Variants in L3MBTL4 observed in about 807,000 individuals in gnomAD.
L3MBTL4 encodes lethal(3)malignant brain tumor-like protein 4.
In L3MBTL4, 70 loss-of-function variants were observed where a neutral mutation model predicts 84.5. That is an observed-to-expected ratio of 0.83 (90% confidence interval 0.68 to 1.01). L3MBTL4 has a LOEUF of 1.01. Ranked by LOEUF, L3MBTL4 falls within the 50% of genes least tolerant of loss-of-function variation. The pLI, the probability that L3MBTL4 is intolerant of heterozygous loss-of-function variation, is 0.00. For missense variants in L3MBTL4, 715 were observed against 754.8 expected, an observed-to-expected ratio of 0.95 and a Z score of 0.62; for synonymous variants, 274 against 259.8, an observed-to-expected ratio of 1.05 and a Z score of -0.52.
At chr18:6,183,005 T>C (rs2044549010) in intron 12 of L3MBTL4, among the ~76,000 whole-genome samples, 1 of 152,248 alleles carries the variant, frequency 6.6e-6, no homozygotes, top group African/African-American at 2.4e-5. Context: ...CCATTTGTGA[T>C]AAATATATCT....
intron 16 of L3MBTL4, chr18:6,032,140 G>T: frequency 3.7e-6 from 1 of 272,050 alleles, no homozygotes. Context: ...ACCACGCCTG[G>T]CTAATTTTTT....
At chr18:5,964,880 C>T (rs959002965) in intron 17 of L3MBTL4, among the ~76,000 whole-genome samples, 1 of 152,180 alleles carries the variant, frequency 6.6e-6, no homozygotes, top group Non-Finnish European at 1.5e-5. Flanking sequence ...TTCATGAACT[C>T]ATCTACTCAC....
chr18:6,318,897 A>T lies in L3MBTL4; in HGVS notation c.-90-6841T>A, dbSNP rs775355121. On this transcript the variant is annotated intron_variant, in intron 1 of 18. Transcript: ENST00000317931. ...ATAACAGGCCACAAAACAAGTCTTG[A>T]TACATTTTAACATATCAAAATCATA... 8.5e-5 allele frequency among the ~76,000 whole-genome samples: 13 copies of T among 152,250 alleles called. No homozygotes were observed. In the East Asian group the frequency reaches 1.7e-3, roughly 20 times the overall value.
intron 13 of L3MBTL4, among the ~76,000 whole-genome samples, chr18:6,159,281 G>C (rs664356): frequency 0.1 from 15,475 of 152,156 alleles, 879 homozygotes; most frequent in Middle Eastern, 0.17. Context: ...GGGATAACCA[G>C]AGGGCAACAC....
At chr18:6,094,288 C>A (rs1390594607) in intron 14 of L3MBTL4, among the ~76,000 whole-genome samples, 2 of 152,172 alleles carry the variant, frequency 1.3e-5, no homozygotes, top group African/African-American at 2.4e-5. Context: ...TCTGCCGCTG[C>A]TAGAAATGAG....
chr18:6,004,926 T>A (rs940463755), intron 16 of L3MBTL4, among the ~76,000 whole-genome samples: 6 of 150,336 alleles, frequency 4.0e-5, no homozygotes, highest in Non-Finnish European at 7.4e-5. Flanking sequence ...TGGATGGTGA[T>A]GCTGGTCTCA....
At chr18:6,164,129 G>C (rs1346758663) in intron 13 of L3MBTL4, among the ~76,000 whole-genome samples, 2 of 152,194 alleles carry the variant, frequency 1.3e-5, no homozygotes, top group Non-Finnish European at 1.5e-5. Context: ...AGTGAGGCTG[G>C]GGTAGGGGCG....
chr18:6,045,169 A>C (rs1432326749), intron 16 of L3MBTL4, among the ~76,000 whole-genome samples: 1 of 152,256 alleles, frequency 6.6e-6, no homozygotes, highest in East Asian at 1.9e-4. Flanking sequence ...GAACCCCATC[A>C]GGCTAACAGC....
Position 6,414,063 on chromosome 18 carries a change from G to C in L3MBTL4, c.-91+738C>G, listed in dbSNP as rs567698464. On this transcript the variant is annotated intron_variant, in intron 1 of 18. Transcript: ENST00000317931. The surrounding 1 kb of genome is among the most constrained non-coding windows in gnomAD (Gnocchi z 5.4). ...GACTCGCGTCCACCTGGGACCAAGC[G>C]GGCCCAAGAAGGCCCGGAGAGCAGG... 6.6e-6 allele frequency: 1 copy of C among 152,220 alleles called. No individual in the cohort carries two copies. Among genetic ancestry groups the C allele is most frequent in the African/African-American group, 2.4e-5 (1 of 41,466 alleles). The allele number at this position is 152,220 out of a possible 1,614,324, so 9.4% of individuals were successfully genotyped here. A position where few individuals can be genotyped will look rare whatever the true frequency, so the allele number is the denominator to read the frequency against.
chr18:6,120,455 A>T (rs1362727947), intron 14 of L3MBTL4, among the ~76,000 whole-genome samples: 1 of 152,156 alleles, frequency 6.6e-6, no homozygotes, highest in Non-Finnish European at 1.5e-5. Flanking sequence ...TAGGAAGGCT[A>T]CTCTGATTTT....
intron 17 of L3MBTL4, among the ~76,000 whole-genome samples, chr18:5,963,009 T>G (rs1011803629): frequency 6.6e-6 from 1 of 152,228 alleles, no homozygotes; most frequent in Non-Finnish European, 1.5e-5. Context: ...GGGGCAACAT[T>G]GCCCCAGTTC....
At chr18:5,985,685 G>C (rs77713651) in intron 16 of L3MBTL4, among the ~76,000 whole-genome samples, 2,787 of 152,250 alleles carry the variant, frequency 0.018, 95 homozygotes, top group African/African-American at 0.064. Context: ...TGAGGGCTTA[G>C]GGAGATGACA....
At chr18:6,303,292 TG>T (rs894267800) in intron 3 of L3MBTL4, among the ~76,000 whole-genome samples, 42 of 152,058 alleles carry the variant, frequency 2.8e-4, no homozygotes, top group African/African-American at 1.0e-3. Flanking sequence ...GGCTAATTTT[TG>T]TATTTTTAGT....
chr18:6,360,586 A>AT (rs1254133514), intron 1 of L3MBTL4, among the ~76,000 whole-genome samples: 1 of 152,060 alleles, frequency 6.6e-6, no homozygotes, highest in East Asian at 1.9e-4. Context: ...AATGAAGAGA[A>AT]TGACATTAGA....
chr18:5,995,686 G>C (rs1261254546), intron 16 of L3MBTL4, among the ~76,000 whole-genome samples: 1 of 152,132 alleles, frequency 6.6e-6, no homozygotes, highest in Non-Finnish European at 1.5e-5. Context: ...GACAGATTTG[G>C]GAGTTCTAAG....
chr18:6,211,850 T>C (rs996963104), intron 12 of L3MBTL4, among the ~76,000 whole-genome samples: 1 of 152,192 alleles, frequency 6.6e-6, no homozygotes, highest in Non-Finnish European at 1.5e-5. Flanking sequence ...AGTTTCACTA[T>C]GTTGGCCAGG....
At chr18:6,095,498 C>T (rs918045595) in intron 14 of L3MBTL4, among the ~76,000 whole-genome samples, 2 of 151,914 alleles carry the variant, frequency 1.3e-5, no homozygotes, top group African/African-American at 4.8e-5. Context: ...CTACAGGTGC[C>T]CACAACCACA....
intron 1 of L3MBTL4, among the ~76,000 whole-genome samples, chr18:6,345,744 C>A (rs1305035696): frequency 6.6e-6 from 1 of 152,054 alleles, no homozygotes; most frequent in Non-Finnish European, 1.5e-5. Context: ...AATATTCACA[C>A]TACTCAAACT....
intron 3 of L3MBTL4, among the ~76,000 whole-genome samples, chr18:6,306,687 T>G (rs914470700): frequency 2.0e-5 from 3 of 152,190 alleles, no homozygotes; most frequent in African/African-American, 4.8e-5. Context: ...TGCTTGGCCA[T>G]CAAGCCTCAC....
Sources: gnomAD v4.1 joint callset for allele counts (sites outside exome capture counted in the v4.1 genomes callset) on GRCh38, gnomAD v4.1.1 for gene constraint, Gnocchi (gnomAD v3.1) non-coding constraint, MANE v1.5 for transcripts, NCBI Gene and HGNC (gene_info 2026-07-23, HGNC 2026-07-21) for gene names.